ANO3: variants seen among roughly 807,000 people sequenced by gnomAD.
The protein encoded by ANO3 is anoctamin-3.
In ANO3, 99 loss-of-function variants were observed where a neutral mutation model predicts 144.8. The observed-to-expected ratio is 0.68, with a 90% CI of 0.58 to 0.81. The LOEUF (loss-of-function observed/expected upper bound fraction) is 0.81, where lower values mean the gene tolerates loss of function less well. Among genes scored for constraint, ANO3 ranks in the 30% least tolerant of loss-of-function variants. ANO3 has a pLI of 0.00. For missense variants in ANO3, 905 were observed against 1,202.2 expected (o/e 0.75, Z 3.66); for synonymous variants, 414 against 392.6 (o/e 1.05, Z -0.64).
At chr11:26,196,654 T>C (rs1201749831) in intron 1 of ANO3, among the ~76,000 whole-genome samples, 3 of 152,052 alleles carry the variant, frequency 2.0e-5, no homozygotes, top group Non-Finnish European at 2.9e-5. Flanking sequence ...GAAAATCAAA[T>C]AAAACTATTC....
chr11:26,217,691 A>G (rs969144936), intron 1 of ANO3, among the ~76,000 whole-genome samples: 3 of 152,122 alleles, frequency 2.0e-5, no homozygotes, highest in African/African-American at 7.2e-5. Flanking sequence ...ATGTTCTAAA[A>G]GTATTTGAGA....
chr11:26,564,781 ATAT>A, intron 14 of ANO3, among the ~76,000 whole-genome samples: 1 of 94,508 alleles, frequency 1.1e-5, no homozygotes, highest in African/African-American at 3.7e-5. Flanking sequence ...ATATATATAT[ATAT>A]AAGTTCAGTT....
chr11:26,597,938 G>T (rs553362167), intron 14 of ANO3, among the ~76,000 whole-genome samples: 1 of 152,122 alleles, frequency 6.6e-6, no homozygotes, highest in African/African-American at 2.4e-5. Flanking sequence ...ACGAGAGTTT[G>T]TTCTTTTGTT....
chr11:26,321,767 T>C (rs932006860), intron 1 of ANO3, among the ~76,000 whole-genome samples: 3 of 152,052 alleles, frequency 2.0e-5, no homozygotes, highest in Non-Finnish European at 2.9e-5. Context: ...TTTTATTAGT[T>C]TCACTTGCAG....
At chr11:26,592,395 T>TGAAA (rs1249395361) in intron 14 of ANO3, among the ~76,000 whole-genome samples, 2 of 151,994 alleles carry the variant, frequency 1.3e-5, no homozygotes, top group Non-Finnish European at 2.9e-5. Context: ...ACTGAAGCCT[T>TGAAA]GAAAGCGGTG....
At chr11:26,208,374 G>A (rs71480106) in intron 1 of ANO3, 46,404 of 152,098 alleles carry the variant, frequency 0.31, 7,782 homozygotes, top group Non-Finnish European at 0.37. Context: ...ATAGCCGGGC[G>A]TGGTGGCAGG....
intron 12 of ANO3, among the ~76,000 whole-genome samples, chr11:26,548,608 T>G (rs1849849816): frequency 6.6e-6 from 1 of 151,998 alleles, no homozygotes; most frequent in Admixed American, 6.6e-5. Context: ...GTATAACAAT[T>G]ATGCTTAAAA....
intron 14 of ANO3, among the ~76,000 whole-genome samples, chr11:26,578,789 TAGA>T (rs1406889943): frequency 6.6e-6 from 1 of 152,214 alleles, no homozygotes; most frequent in Non-Finnish European, 1.5e-5. Context: ...TTCCTGCTAT[TAGA>T]AGAATTCTGA....
chr11:26,654,849 T>C (rs1373028981), intron 24 of ANO3, among the ~76,000 whole-genome samples: 1 of 152,212 alleles, frequency 6.6e-6, no homozygotes, highest in African/African-American at 2.4e-5. Context: ...ATTAATATGA[T>C]CATATGATTT....
intron 1 of ANO3, among the ~76,000 whole-genome samples, chr11:26,189,691 T>C (rs905703977): frequency 6.6e-6 from 1 of 152,270 alleles, no homozygotes; most frequent in Non-Finnish European, 1.5e-5. Flanking sequence ...AAGAAAACAC[T>C]TGCCATTTTA....
chr11:26,591,528 G>T (rs1483193260), intron 14 of ANO3, among the ~76,000 whole-genome samples: 6 of 152,166 alleles, frequency 3.9e-5, no homozygotes, highest in African/African-American at 1.2e-4. Flanking sequence ...AAGTGCAGGG[G>T]TATATGGTTG....
intron 1 of ANO3, among the ~76,000 whole-genome samples, chr11:26,197,455 TCTCCTGC>T (rs1851611598): frequency 6.6e-6 from 1 of 152,088 alleles, no homozygotes. Flanking sequence ...TTCAAGTGAT[TCTCCTGC>T]CTCAGCCTCC....
At chr11:26,647,914 A>T in intron 24 of ANO3, 58 bp downstream of exon 24, 3 of 1,513,674 alleles carry the variant, frequency 2.0e-6, no homozygotes, top group Admixed American at 1.9e-5. Context: ...TTAAAATAGG[A>T]TCTTACTGGG....
At chr11:26,605,380 A>ACAT (rs1321477621) in intron 17 of ANO3, among the ~76,000 whole-genome samples, 2 of 152,112 alleles carry the variant, frequency 1.3e-5, no homozygotes, top group Non-Finnish European at 2.9e-5. Flanking sequence ...TATTGGCCTG[A>ACAT]CATTTTCTTT....
intron 1 of ANO3, among the ~76,000 whole-genome samples, chr11:26,273,632 GCACACACACACACACACACA>G (rs3220654): frequency 3.6e-5 from 5 of 140,184 alleles, no homozygotes; most frequent in East Asian, 4.3e-4. Context: ...TGTGGATATG[GCACACACACACACACACACA>G]CACACACACA....
chr11:26,325,370 A>T (rs1315336932), intron 1 of ANO3, among the ~76,000 whole-genome samples: 1 of 152,132 alleles, frequency 6.6e-6, no homozygotes, highest in Admixed American at 6.5e-5. Flanking sequence ...TACTTAGAGG[A>T]ATTATAGTAA....
chr11:26,640,683 A>AG (rs907670273), intron 21 of ANO3, among the ~76,000 whole-genome samples: 17 of 152,076 alleles, frequency 1.1e-4, no homozygotes, highest in African/African-American at 4.1e-4. Flanking sequence ...GCCTTGCGCT[A>AG]GGGGTCAGTC....
intron 14 of ANO3, among the ~76,000 whole-genome samples, chr11:26,571,419 G>C (rs1027918113): frequency 1.5e-4 from 23 of 152,090 alleles, no homozygotes; most frequent in Non-Finnish European, 2.9e-5. Context: ...TGTAGTAACT[G>C]ATGTAACCTT....
At chr11:26,310,392 G>A (rs1456593613) in intron 1 of ANO3, among the ~76,000 whole-genome samples, 1 of 152,176 alleles carries the variant, frequency 6.6e-6, no homozygotes, top group Non-Finnish European at 1.5e-5. Flanking sequence ...AGATCATTCA[G>A]AAGGTAGCTA....
Sources: gnomAD v4.1 joint callset for allele counts (sites outside exome capture counted in the v4.1 genomes callset) on GRCh38, gnomAD v4.1.1 for gene constraint, MANE v1.5 for transcripts, NCBI Gene and HGNC (gene_info 2026-07-23, HGNC 2026-07-21) for gene names.